ADCY9: variants seen among roughly 807,000 people sequenced by gnomAD.
ADCY9 encodes adenylate cyclase 9.
A neutral mutation model predicts 101.5 loss-of-function variants in ADCY9; 50 were observed. That is an observed-to-expected ratio of 0.49 (90% CI 0.39 to 0.62). The LOEUF (loss-of-function observed/expected upper bound fraction) is 0.62, where lower values mean the gene tolerates loss of function less well. ADCY9 is among the 20% of genes least tolerant of loss of function. The pLI is 0.00. For missense variants in ADCY9, 1,662 were observed against 1,800.4 expected, an observed-to-expected ratio of 0.92 and a Z score of 1.39; for synonymous variants, 905 against 769.3, an observed-to-expected ratio of 1.18 and a Z score of -2.92.
rs1164323148 is a variant in ADCY9 at position 4,116,291 on chromosome 16, C to T, written c.-645G>A. On this transcript the variant is annotated 5_prime_UTR_variant, in exon 1 of 11. Transcript: ENST00000294016. ...GGCTCCCGCGACGCCGGCCGGGACG[C>T]CCGCCCGCCCGCGCCCACGCCGGGG... is the stretch of plus-strand genomic sequence containing the variant. The T allele has an allele frequency of 6.8e-6, 1 of 146,256 alleles. No homozygotes were observed. The highest frequency in any genetic ancestry group is 2.5e-5 in the African/African-American group (1 of 40,708). The allele number at this position is 146,256 out of a possible 1,614,324, so 9.1% of individuals were successfully genotyped here. A position where few individuals can be genotyped will look rare whatever the true frequency, so the allele number is the denominator to read the frequency against.
chr16:4,070,942 G>A (rs546854365), intron 2 of ADCY9, among the ~76,000 whole-genome samples: 12 of 151,788 alleles, frequency 7.9e-5, no homozygotes, highest in Admixed American at 5.9e-4. Context: ...GAGAGTCTCC[G>A]TCTCAAAAAA....
downstream of ADCY9, among the ~76,000 whole-genome samples, chr16:3,961,550 G>A (rs2055938453): frequency 6.6e-6 from 1 of 152,088 alleles, no homozygotes; most frequent in Non-Finnish European, 1.5e-5. Flanking sequence ...GAGGCCTGCA[G>A]TGGCGACTCG....
At chr16:4,014,725 G>C (rs890290487) in intron 2 of ADCY9, among the ~76,000 whole-genome samples, 6 of 152,016 alleles carry the variant, frequency 3.9e-5, no homozygotes, top group African/African-American at 1.2e-4. Context: ...TGGGATTAAA[G>C]GCGTGAGCCA....
chr16:3,971,572 G>A lies in ADCY9; in HGVS notation c.2870+3097C>T, dbSNP rs58646335. Among the ~76,000 whole-genome samples the A allele has an allele frequency of 4.2e-3, 635 of 152,268 alleles. 8 individuals carry two copies. Among genetic ancestry groups the A allele is most frequent in the African/African-American group, 0.014 (593 of 41,558 alleles). On this transcript the variant is annotated intron_variant, in intron 10 of 10. Coordinates refer to ENST00000294016, the MANE Select transcript of ADCY9 (RefSeq NM_001116.4). ...CAAGTACTAAGCAAAATAACCATTT[G>A]TTACGATGATGACTCAAACATATTT...
intron 5 of ADCY9, among the ~76,000 whole-genome samples, chr16:3,956,503 T>TGGG (rs34702342): frequency 1.4e-5 from 1 of 69,496 alleles, no homozygotes; most frequent in African/African-American, 4.0e-5. Context: ...TTTTTTTTTT[T>TGGG]GGGGGGGGAT....
intron 2 of ADCY9, among the ~76,000 whole-genome samples, chr16:4,027,063 C>A (rs1000933185): frequency 6.6e-6 from 1 of 152,112 alleles, no homozygotes; most frequent in African/African-American, 2.4e-5. Flanking sequence ...TCTGATTGGT[C>A]GCCTCCTGCA....
chr16:4,089,614 C>T lies in ADCY9; in HGVS notation c.1693+24136G>A, dbSNP rs764973533. Among the ~76,000 whole-genome samples the T allele has an allele frequency of 1.1e-4, 16 of 152,108 alleles. No individual in the cohort carries two copies. The South Asian group carries it at 2.5e-3, about 24-fold the overall frequency. On this transcript the variant is annotated intron_variant, in intron 2 of 10. Transcript: ENST00000294016. ...CCAGGAGTGGCATGGCTGGGCCCTA[C>T]GGTAGCTCCGTGCTTAACCTTTTGG...
At chr16:4,087,543 TAAAAAAAAAA>T (rs55706713) in intron 2 of ADCY9, among the ~76,000 whole-genome samples, 3 of 118,194 alleles carry the variant, frequency 2.5e-5, no homozygotes, top group Non-Finnish European at 5.3e-5. Context: ...CTCAAAAAGA[TAAAAAAAAAA>T]AAAAAAAAAA....
chr16:3,955,537 GGTTTGTTT>G (rs34842697), intron 5 of ADCY9, among the ~76,000 whole-genome samples: 20 of 152,092 alleles, frequency 1.3e-4, no homozygotes, highest in African/African-American at 3.9e-4. Flanking sequence ...CCTTCATTTA[GGTTTGTTT>G]GTTTGTTTGT....
intron 7 of ADCY9, among the ~76,000 whole-genome samples, chr16:3,980,791 G>C (rs368839863): frequency 1.3e-5 from 2 of 152,326 alleles, no homozygotes; most frequent in South Asian, 2.1e-4. Flanking sequence ...CCCTAGGAGG[G>C]GGGACAGAGG....
intron 2 of ADCY9, among the ~76,000 whole-genome samples, chr16:4,103,510 G>A (rs2057057113): frequency 6.6e-6 from 1 of 152,182 alleles, no homozygotes; most frequent in Non-Finnish European, 1.5e-5. Flanking sequence ...ACTTACGAAA[G>A]GAAAGGCAGA....
rs1489766157 is a variant in ADCY9 at position 4,116,313 on chromosome 16, G to C, written c.-667C>G. Reference sequence around the variant, plus strand: ...ACGCCCGCCCGCCCGCGCCCACGCCGGGGGCCGCCTCCCCGAGCTAGAGAT... The same window carrying C: ...ACGCCCGCCCGCCCGCGCCCACGCCCGGGGCCGCCTCCCCGAGCTAGAGAT... On this transcript the variant is annotated 5_prime_UTR_variant, in exon 1 of 11. Coordinates refer to ENST00000294016, the MANE Select transcript of ADCY9 (RefSeq NM_001116.4). The C allele has an allele frequency of 6.9e-6, 1 of 144,888 alleles. No individual in the cohort carries two copies. The highest frequency in any genetic ancestry group is 1.5e-5 in the Non-Finnish European group (1 of 65,094). 9.0% of individuals were successfully genotyped at this position (144,888 alleles called of 1,614,324 possible).
intron 2 of ADCY9, among the ~76,000 whole-genome samples, chr16:4,057,720 A>T (rs2056749234): frequency 6.6e-6 from 1 of 152,192 alleles, no homozygotes; most frequent in Admixed American, 6.5e-5. Context: ...CTGAATAAGG[A>T]TGACGACACC....
intron 2 of ADCY9, among the ~76,000 whole-genome samples, chr16:4,113,387 A>C (rs1233345411): frequency 6.6e-6 from 1 of 152,164 alleles, no homozygotes; most frequent in African/African-American, 2.4e-5. Flanking sequence ...TGACCAAATG[A>C]ATGCAAAGGC....
chr16:4,115,444 T>C lies in ADCY9; in HGVS notation c.-2A>G. ...CTGCTGGTGGGGTGGGGAAGCCATG[T>C]TGTCGAGTCCCGGGGCCTGCCCCGG... On this transcript the variant is annotated 5_prime_UTR_variant, in exon 2 of 11. Coordinates refer to ENST00000294016, the MANE Select transcript of ADCY9 (RefSeq NM_001116.4). This position sits in a 1 kb window ranked among gnomAD's most constrained non-coding sequence, Gnocchi z 6.2. 2.6e-6 allele frequency: 4 copies of C among 1,541,748 alleles called. No homozygotes were observed. Among genetic ancestry groups the C allele is most frequent in the African/African-American group, 1.4e-5 (1 of 73,320 alleles).
chr16:4,116,022 T>A lies in ADCY9; in HGVS notation c.-376A>T. On this transcript the variant is annotated 5_prime_UTR_variant, in exon 1 of 11. Transcript: ENST00000294016. Reference sequence around the variant, plus strand: ...GCGAGCTTCGGCGGGCGCCCCCGGCTCGCGCTCCCCGGCCGCCCCCCGCGC... The same window carrying A: ...GCGAGCTTCGGCGGGCGCCCCCGGCACGCGCTCCCCGGCCGCCCCCCGCGC... 6.5e-6 allele frequency: 1 copy of A among 152,874 alleles called. No individual in the cohort carries two copies. Among genetic ancestry groups the A allele is most frequent in the South Asian group, 2.0e-4 (1 of 5,056 alleles). 9.5% of individuals were successfully genotyped at this position (152,874 alleles called of 1,614,324 possible).
chr16:4,043,821 C>G (rs1187771926), intron 2 of ADCY9, among the ~76,000 whole-genome samples: 1 of 152,104 alleles, frequency 6.6e-6, no homozygotes, highest in African/African-American at 2.4e-5. Flanking sequence ...TTTGGTAAAA[C>G]AGTCTGCCAA....
At chr16:4,071,565 TTA>T (rs1316430568) in intron 2 of ADCY9, among the ~76,000 whole-genome samples, 2 of 152,016 alleles carry the variant, frequency 1.3e-5, no homozygotes, top group Non-Finnish European at 2.9e-5. Context: ...GGTCTTACTA[TTA>T]TATATATAAT....
chr16:4,072,019 A>G (rs2056837816), intron 2 of ADCY9, among the ~76,000 whole-genome samples: 1 of 152,196 alleles, frequency 6.6e-6, no homozygotes, highest in Non-Finnish European at 1.5e-5. Flanking sequence ...TCGATGTTAT[A>G]TATCTCACAT....
Sources: allele counts gnomAD v4.1 joint callset (sites outside exome capture counted in the v4.1 genomes callset), GRCh38; gene constraint gnomAD v4.1.1; non-coding constraint Gnocchi (gnomAD v3.1); transcripts MANE v1.5; gene names NCBI Gene and HGNC (gene_info 2026-07-23, HGNC 2026-07-21).